Variants in RIT2 observed in about 807,000 individuals in gnomAD.
RIT2 encodes GTP-binding protein Rit2.
RIT2 carries 24 observed loss-of-function variants against 23.7 expected under a neutral mutation model. The ratio of observed to expected loss-of-function variants is 1.01; its 90% confidence interval spans 0.73 to 1.43. RIT2 has a LOEUF of 1.43. Ranked by LOEUF, RIT2 falls within the 40% of genes most tolerant of loss-of-function variation. RIT2 has a pLI of 0.00. For synonymous variants in RIT2, 107 were observed against 91.1 expected, an observed-to-expected ratio of 1.17 and a Z score of -0.99; for missense variants, 236 against 266.9, an observed-to-expected ratio of 0.88 and a Z score of 0.81.
At chr18:42,832,415 A>G (rs906331516) in intron 4 of RIT2, among the ~76,000 whole-genome samples, 8 of 152,216 alleles carry the variant, frequency 5.3e-5, no homozygotes, top group African/African-American at 1.9e-4. Context: ...TGATGAAACC[A>G]GGAATTTTTC....
In RIT2 at chr18:43,115,453, C is replaced by T. The variant is rs1361352728; in HGVS notation, c.67G>A (p.Val23Met). The change falls in exon 1 of 5, where the codon GTG becomes ATG. Residue 23 changes from valine to methionine, a missense_variant. By Grantham distance (21) the Val-to-Met change is conservative. Coordinates refer to ENST00000326695, the MANE Select transcript of RIT2 (RefSeq NM_002930.4). ...ACTCCCCCTGCTCCCAGCATTACCA[C>T]CTTGTACTCTCTGGACCCGCCTGAT... ...SASGGSREYK[V>M]VMLGAGGVGK... 6.2e-7 allele frequency: 1 copy of T among 1,613,850 alleles called. No individual in the cohort carries two copies. Among genetic ancestry groups the T allele is most frequent in the East Asian group, 2.2e-5 (1 of 44,838 alleles).
At chr18:42,946,552 G>T (rs1157683531) in intron 3 of RIT2, among the ~76,000 whole-genome samples, 1 of 151,938 alleles carries the variant, frequency 6.6e-6, no homozygotes, top group Non-Finnish European at 1.5e-5. Context: ...ATTTCAAGGG[G>T]TAAGGAGTAA....
intron 4 of RIT2, among the ~76,000 whole-genome samples, chr18:42,896,264 CA>C (rs1028267779): frequency 6.6e-6 from 1 of 151,444 alleles, no homozygotes; most frequent in Admixed American, 6.6e-5. Flanking sequence ...AACTCCGTCA[CA>C]AAAAAAATAA....
intron 4 of RIT2, among the ~76,000 whole-genome samples, chr18:42,796,260 C>T (rs970781057): frequency 2.0e-5 from 3 of 152,128 alleles, no homozygotes; most frequent in African/African-American, 7.2e-5. Flanking sequence ...GACGCGCTGC[C>T]TTAAGAGCTG....
At chr18:42,940,215 T>C (rs1404535639) in intron 3 of RIT2, among the ~76,000 whole-genome samples, 2 of 135,324 alleles carry the variant, frequency 1.5e-5, no homozygotes, top group Non-Finnish European at 3.1e-5. Flanking sequence ...AAAAATCCTC[T>C]CTCAAATTTT....
chr18:42,846,968 G>T (rs1482701711), intron 4 of RIT2, among the ~76,000 whole-genome samples: 4 of 152,086 alleles, frequency 2.6e-5, no homozygotes, highest in Non-Finnish European at 4.4e-5. Flanking sequence ...TTTCACTCTG[G>T]TATAACCTAT....
intron 3 of RIT2, among the ~76,000 whole-genome samples, chr18:42,929,994 C>T (rs150791220): frequency 8.8e-4 from 134 of 152,088 alleles, no homozygotes; most frequent in African/African-American, 2.8e-3. Flanking sequence ...TGTGGCAAGA[C>T]GGAGAGTATA....
intron 3 of RIT2, among the ~76,000 whole-genome samples, chr18:42,938,934 T>C (rs1909527378): frequency 1.3e-5 from 2 of 152,058 alleles, no homozygotes; most frequent in Non-Finnish European, 2.9e-5. Context: ...TTGATAGGGA[T>C]GGCATCTCAC....
chr18:43,069,649 C>G (rs1018025094), intron 1 of RIT2, among the ~76,000 whole-genome samples: 1 of 152,130 alleles, frequency 6.6e-6, no homozygotes, highest in Admixed American at 6.6e-5. Context: ...TATCCCTGCT[C>G]AGAATTTTCT....
At chr18:43,002,348 G>A (rs539473915) in intron 2 of RIT2, among the ~76,000 whole-genome samples, 8 of 151,846 alleles carry the variant, frequency 5.3e-5, no homozygotes, top group Non-Finnish European at 1.0e-4. Flanking sequence ...GTTGAGGGTG[G>A]GTCTGCCTCT....
intron 1 of RIT2, among the ~76,000 whole-genome samples, chr18:43,076,668 T>TA (rs1310626535): frequency 6.6e-6 from 1 of 152,192 alleles, no homozygotes; most frequent in Non-Finnish European, 1.5e-5. Context: ...GGTCCATAGA[T>TA]ATGTCTAGCA....
chr18:43,113,069 A>G (rs1913990212), intron 1 of RIT2, among the ~76,000 whole-genome samples: 1 of 152,158 alleles, frequency 6.6e-6, no homozygotes, highest in Non-Finnish European at 1.5e-5. Flanking sequence ...ACCCCAGCCT[A>G]GGCTCAAATG....
rs550156345 is a variant in RIT2 at position 42,756,267 on chromosome 18, T to C, written c.427-12547A>G. Among the ~76,000 whole-genome samples, 25 of 152,310 alleles carry C rather than the reference T, an allele frequency of 1.6e-4. 1 individual carries two copies. The East Asian group carries it at 4.3e-3, about 26-fold the overall frequency. ...GTAATAGGATTTCTCTCTCTTGCTG[T>C]TCTGGAGAGATATTGATTGAATGGA... is the stretch of plus-strand genomic sequence containing the variant. On this transcript the variant is annotated intron_variant, in intron 4 of 4. Coordinates refer to ENST00000326695, the MANE Select transcript of RIT2 (RefSeq NM_002930.4).
intron 1 of RIT2, among the ~76,000 whole-genome samples, chr18:43,111,384 C>A (rs936488612): frequency 2.0e-5 from 3 of 151,976 alleles, no homozygotes; most frequent in African/African-American, 7.2e-5. Context: ...CATTTGATAG[C>A]ACAACAGGGT....
At chr18:42,815,764 T>C (rs1598665536) in intron 4 of RIT2, among the ~76,000 whole-genome samples, 1 of 152,204 alleles carries the variant, frequency 6.6e-6, no homozygotes, top group East Asian at 1.9e-4. Context: ...TTTAGAAAGT[T>C]CTCCAGGGTA....
At chr18:42,887,680 C>A (rs1908059358) in intron 4 of RIT2, among the ~76,000 whole-genome samples, 1 of 152,082 alleles carries the variant, frequency 6.6e-6, no homozygotes, top group African/African-American at 2.4e-5. Flanking sequence ...AGATGAATTG[C>A]AAATTTATTT....
At chr18:43,074,113 G>T (rs189147514) in intron 1 of RIT2, among the ~76,000 whole-genome samples, 10 of 152,226 alleles carry the variant, frequency 6.6e-5, no homozygotes, top group African/African-American at 2.4e-4. Context: ...ATTACAGATA[G>T]TAACTTTACT....
At chr18:43,009,751 G>A (rs1249979121) in intron 2 of RIT2, among the ~76,000 whole-genome samples, 1 of 151,594 alleles carries the variant, frequency 6.6e-6, no homozygotes, top group Admixed American at 6.6e-5. Flanking sequence ...GCGTGACATT[G>A]ACACTTCCCA....
intron 4 of RIT2, among the ~76,000 whole-genome samples, chr18:42,882,800 C>T (rs1907927770): frequency 6.6e-6 from 1 of 152,146 alleles, no homozygotes; most frequent in Admixed American, 6.5e-5. Context: ...TTCCTCTGAT[C>T]TCAGAATTGC....
Sources: gnomAD v4.1 joint callset for allele counts (sites outside exome capture counted in the v4.1 genomes callset) on GRCh38, gnomAD v4.1.1 for gene constraint, MANE v1.5 for transcripts, NCBI Gene and HGNC (gene_info 2026-07-23, HGNC 2026-07-21) for gene names.